The following UBE2E3 variants were observed in gnomAD, a reference collection of about 807,000 sequenced individuals.
UBE2E3 encodes the protein ubiquitin conjugating enzyme E2 E3.
UBE2E3 carries 5 observed loss-of-function variants against 23.6 expected under a neutral mutation model. The ratio of observed to expected loss-of-function variants is 0.21; its 90% confidence interval spans 0.11 to 0.44. The LOEUF (loss-of-function observed/expected upper bound fraction) is 0.44, where lower values mean the gene tolerates loss of function less well. UBE2E3 is among the 20% of genes least tolerant of loss of function. UBE2E3 has a pLI of 0.99. For missense variants in UBE2E3, 81 were observed against 249.8 expected (o/e 0.32, Z 4.55); for synonymous variants, 78 against 87.5 (o/e 0.89, Z 0.60).
chr2:181,032,998 A>G (rs1686131511), intron 3 of UBE2E3, among the ~76,000 whole-genome samples: 1 of 152,198 alleles, frequency 6.6e-6, no homozygotes, highest in African/African-American at 2.4e-5. Flanking sequence ...CTTCAAGGAG[A>G]ACTACAAACC....
chr2:181,014,838 T>G (rs1322869257), intron 3 of UBE2E3, among the ~76,000 whole-genome samples: 1 of 152,190 alleles, frequency 6.6e-6, no homozygotes, highest in East Asian at 1.9e-4. Context: ...AACATTTATC[T>G]TTATGTTGGT....
chr2:181,048,036 C>CT (rs1686722416), intron 3 of UBE2E3, among the ~76,000 whole-genome samples: 1 of 152,112 alleles, frequency 6.6e-6, no homozygotes. Flanking sequence ...GGCCTCAGGG[C>CT]ATTTTCCTAT....
chr2:181,026,411 A>G (rs1685886994), intron 3 of UBE2E3, among the ~76,000 whole-genome samples: 1 of 151,668 alleles, frequency 6.6e-6, no homozygotes. Context: ...CTCATAGACC[A>G]TTTTGATTCC....
intron 3 of UBE2E3, among the ~76,000 whole-genome samples, chr2:181,053,307 T>A (rs1686898170): frequency 6.6e-6 from 1 of 151,772 alleles, no homozygotes; most frequent in Non-Finnish European, 1.5e-5. Flanking sequence ...TATTTAATAT[T>A]ATAGAAGAAA....
At chr2:181,057,353 GAA>G (rs1363746685) in intron 3 of UBE2E3, among the ~76,000 whole-genome samples, 1 of 151,744 alleles carries the variant, frequency 6.6e-6, no homozygotes, top group Non-Finnish European at 1.5e-5. Flanking sequence ...AGGTGACTCA[GAA>G]AAAAGTATGT....
At chr2:181,048,730 T>C (rs1405376666) in intron 3 of UBE2E3, among the ~76,000 whole-genome samples, 1 of 152,134 alleles carries the variant, frequency 6.6e-6, no homozygotes, top group Non-Finnish European at 1.5e-5. Flanking sequence ...AATATGATTC[T>C]TTCTAAAACA....
chr2:180,996,675 T>G (rs549801845), intron 3 of UBE2E3, among the ~76,000 whole-genome samples: 1 of 152,286 alleles, frequency 6.6e-6, no homozygotes, highest in Non-Finnish European at 1.5e-5. Flanking sequence ...GGCTGTCACT[T>G]GGCACTTGCA....
At chr2:180,996,211 A>G (rs1254398953) in intron 3 of UBE2E3, among the ~76,000 whole-genome samples, 1 of 152,214 alleles carries the variant, frequency 6.6e-6, no homozygotes, top group Non-Finnish European at 1.5e-5. Flanking sequence ...CATACATTCA[A>G]CTTAACCATT....
intron 3 of UBE2E3, among the ~76,000 whole-genome samples, chr2:181,027,989 T>C (rs147098500): frequency 3.3e-5 from 5 of 152,162 alleles, no homozygotes; most frequent in African/African-American, 9.6e-5. Flanking sequence ...AATCTCTATA[T>C]GTTGTCTGTC....
chr2:180,991,524 C>G (rs775813206), intron 3 of UBE2E3, among the ~76,000 whole-genome samples: 3 of 152,202 alleles, frequency 2.0e-5, no homozygotes, highest in Non-Finnish European at 2.9e-5. Flanking sequence ...AGACCACTAC[C>G]AAGTGACTAG....
intron 3 of UBE2E3, among the ~76,000 whole-genome samples, chr2:181,025,706 G>A (rs546924486): frequency 8.6e-5 from 13 of 151,978 alleles, no homozygotes; most frequent in Non-Finnish European, 1.0e-4. Context: ...ATCTTCTACA[G>A]TCACATCTAC....
chr2:181,055,349 G>C (rs1481148751), intron 3 of UBE2E3, among the ~76,000 whole-genome samples: 2 of 151,796 alleles, frequency 1.3e-5, no homozygotes, highest in African/African-American at 4.8e-5. Flanking sequence ...GACAGTGGAA[G>C]AGACAGAGAG....
intron 3 of UBE2E3, among the ~76,000 whole-genome samples, chr2:181,028,888 A>G (rs1271799498): frequency 6.6e-6 from 1 of 152,074 alleles, no homozygotes; most frequent in Non-Finnish European, 1.5e-5. Flanking sequence ...TCAGTCTCTT[A>G]TATGATTAGC....
At chr2:181,026,209 G>T (rs1407743739) in intron 3 of UBE2E3, among the ~76,000 whole-genome samples, 1 of 151,832 alleles carries the variant, frequency 6.6e-6, no homozygotes, top group East Asian at 1.9e-4. Context: ...AATAATGATT[G>T]AAGCTAATAC....
intron 3 of UBE2E3, among the ~76,000 whole-genome samples, chr2:181,033,730 A>C (rs1686166258): frequency 2.0e-5 from 3 of 152,222 alleles, no homozygotes. Context: ...AACTACCATC[A>C]GAGTGAACAG....
intron 3 of UBE2E3, among the ~76,000 whole-genome samples, chr2:181,017,820 C>T (rs973413053): frequency 2.0e-5 from 3 of 149,612 alleles, no homozygotes; most frequent in Non-Finnish European, 3.0e-5. Context: ...TATCTGCTAA[C>T]TACAGGATAG....
At chr2:180,991,237 G>A (rs115223889) in intron 3 of UBE2E3, among the ~76,000 whole-genome samples, 2,290 of 151,646 alleles carry the variant, frequency 0.015, 63 homozygotes, top group African/African-American at 0.052. Flanking sequence ...CCTTATCTGT[G>A]GGGAATACAT....
chr2:181,039,839 G>A (rs915579791), intron 3 of UBE2E3, among the ~76,000 whole-genome samples: 2 of 151,990 alleles, frequency 1.3e-5, no homozygotes, highest in African/African-American at 2.4e-5. Flanking sequence ...ATATAAAATG[G>A]CATACTATTT....
chr2:181,021,562 T>TCCTCCCTC (rs1685681875), intron 3 of UBE2E3, among the ~76,000 whole-genome samples: 3 of 35,334 alleles, frequency 8.5e-5, no homozygotes, highest in East Asian at 1.0e-3. Flanking sequence ...CTCCCTTCCT[T>TCCTCCCTC]CCTTCCTTCC....
Sources: gnomAD v4.1 joint callset for allele counts (sites outside exome capture counted in the v4.1 genomes callset) on GRCh38, gnomAD v4.1.1 for gene constraint, MANE v1.5 for transcripts, NCBI Gene and HGNC (gene_info 2026-07-23, HGNC 2026-07-21) for gene names.